The following MTSS1 variants were observed in gnomAD, a reference collection of about 807,000 sequenced individuals.
The protein encoded by MTSS1 is MTSS I-BAR domain containing 1, also known as protein MTSS 1.
In MTSS1, 18 loss-of-function variants were observed where a neutral mutation model predicts 79.0. The ratio of observed to expected loss-of-function variants is 0.23; its 90% CI spans 0.16 to 0.34. MTSS1 has a LOEUF of 0.34. Ranked by LOEUF, MTSS1 falls within the 10% of genes least tolerant of loss-of-function variation. The probability of loss-of-function intolerance (pLI) is 1.00; values close to 1 mark genes in which losing one functional copy is unlikely to be tolerated. For missense variants in MTSS1, 815 were observed against 986.2 expected (o/e 0.83, Z 2.33); for synonymous variants, 341 against 368.6 (o/e 0.93, Z 0.86).
At chr8:124,721,583 T>C (rs907503066) in intron 1 of MTSS1, among the ~76,000 whole-genome samples, 6 of 152,044 alleles carry the variant, frequency 3.9e-5, no homozygotes, top group African/African-American at 1.2e-4. Flanking sequence ...CTAAATTTTG[T>C]ATTTTTTGCA....
At chr8:124,605,245 G>A (rs1167734043) in intron 3 of MTSS1, among the ~76,000 whole-genome samples, 3 of 152,234 alleles carry the variant, frequency 2.0e-5, no homozygotes, top group Non-Finnish European at 4.4e-5. Context: ...CCAGGTCTGA[G>A]CGACTCGATG....
chr8:124,724,844 G>A (rs191437180), intron 1 of MTSS1, among the ~76,000 whole-genome samples: 23 of 152,228 alleles, frequency 1.5e-4, no homozygotes, highest in Admixed American at 3.9e-4. Context: ...TCTACACATC[G>A]GAAGGCAGTC....
intron 3 of MTSS1, among the ~76,000 whole-genome samples, chr8:124,640,169 A>C (rs138824670): frequency 2.9e-4 from 44 of 152,324 alleles, no homozygotes; most frequent in African/African-American, 1.0e-3. Context: ...GCTGGGATAC[A>C]AACCCAGCCT....
rs547734862 is a variant in MTSS1, at chr8:124,711,139, C to T, written c.73-6948G>A. Reference sequence around the variant, plus strand: ...AGCATCACCACTTTCTAAAGAGTTGCCAGGTGCCAGGTATATATACTGGCC... The same window carrying T: ...AGCATCACCACTTTCTAAAGAGTTGTCAGGTGCCAGGTATATATACTGGCC... On this transcript the variant is annotated intron_variant, in intron 1 of 13. Coordinates refer to ENST00000518547, the MANE Select transcript of MTSS1 (RefSeq NM_014751.6). 5.9e-5 allele frequency among the ~76,000 whole-genome samples: 9 copies of T among 152,310 alleles called. No individual in the cohort carries two copies. The South Asian group carries it at 1.9e-3, about 32-fold the overall frequency.
intron 12 of MTSS1, 56 bp from the exon 13 acceptor site, chr8:124,555,960 A>C: frequency 6.3e-7 from 1 of 1,588,616 alleles, no homozygotes; most frequent in Non-Finnish European, 8.5e-7. Context: ...GCTCAACAGC[A>C]CTCCTGTTCT....
intron 1 of MTSS1, among the ~76,000 whole-genome samples, chr8:124,709,385 A>G (rs538196215): frequency 2.6e-5 from 4 of 152,156 alleles, no homozygotes; most frequent in Admixed American, 2.0e-4. Context: ...CGTGAAAACA[A>G]TTCAACACAG....
chr8:124,618,850 C>G (rs1050411874), intron 3 of MTSS1, among the ~76,000 whole-genome samples: 21 of 152,216 alleles, frequency 1.4e-4, no homozygotes, highest in African/African-American at 5.1e-4. Flanking sequence ...AGATGCAAAG[C>G]AATCTTAGAT....
chr8:124,721,061 A>C (rs1284565592), intron 1 of MTSS1, among the ~76,000 whole-genome samples: 1 of 152,214 alleles, frequency 6.6e-6, no homozygotes, highest in Non-Finnish European at 1.5e-5. Context: ...TAGCCAGCAG[A>C]AGGTAGAAGA....
At chr8:124,658,025 C>T (rs1821291478) in intron 3 of MTSS1, among the ~76,000 whole-genome samples, 1 of 152,144 alleles carries the variant, frequency 6.6e-6, no homozygotes. Context: ...TCTCCCTCCA[C>T]CACGTGAGGA....
At chr8:124,720,287 G>A (rs1444565569) in intron 1 of MTSS1, among the ~76,000 whole-genome samples, 2 of 152,320 alleles carry the variant, frequency 1.3e-5, no homozygotes, top group East Asian at 1.9e-4. Context: ...AATCACAGGT[G>A]TCCTCACACA....
intron 1 of MTSS1, among the ~76,000 whole-genome samples, chr8:124,716,819 C>T (rs747814170): frequency 7.2e-5 from 11 of 151,928 alleles, no homozygotes; most frequent in Non-Finnish European, 1.2e-4. Flanking sequence ...CGGTGGTGAG[C>T]CCTCAAACAT....
chr8:124,555,901 C>G lies in MTSS1; in HGVS notation c.1408G>C (p.Gly470Arg). The G allele has an allele frequency of 6.2e-7, 1 of 1,606,746 alleles. No homozygotes were observed. The highest frequency in any genetic ancestry group is 8.5e-7 in the Non-Finnish European group (1 of 1,179,830). Residue 470 changes from glycine to arginine, a missense_variant, in exon 13 of 14, where the codon GGT (glycine) becomes CGT (arginine). This residue lies in a region of MTSS1 where 590 missense variants were observed against 620.8 expected (regional missense o/e 0.95). Coordinates refer to ENST00000518547, the MANE Select transcript of MTSS1 (RefSeq NM_014751.6). ...SMTVSAATRP[G>R]EEMEACEELA... ...TCCTCACAAGCCTCCATCTCCTCAC[C>G]AGGCTGCAGGTTGGAGGAGAGAAAT...
intron 3 of MTSS1, among the ~76,000 whole-genome samples, chr8:124,607,476 T>C (rs1029194101): frequency 6.6e-6 from 1 of 152,146 alleles, no homozygotes; most frequent in African/African-American, 2.4e-5. Context: ...TAAACAGAGT[T>C]TTTAAAAAAG....
intron 2 of MTSS1, among the ~76,000 whole-genome samples, chr8:124,703,659 G>A (rs73345860): frequency 0.047 from 7,115 of 152,222 alleles, 182 homozygotes; most frequent in African/African-American, 0.069. Context: ...GGACTCTGGA[G>A]CCAGAGAGCC....
At chr8:124,658,889 G>C (rs568597577) in intron 3 of MTSS1, among the ~76,000 whole-genome samples, 13 of 152,300 alleles carry the variant, frequency 8.5e-5, no homozygotes, top group African/African-American at 3.1e-4. Context: ...CTCGATCTTG[G>C]ACTTCCCAGC....
chr8:124,642,329 C>A lies in MTSS1; in HGVS notation c.209-51094G>T, dbSNP rs576732685. 3.3e-5 allele frequency among the ~76,000 whole-genome samples: 5 copies of A among 152,264 alleles called. No homozygotes were observed. In the South Asian group the frequency reaches 1.0e-3, roughly 32 times the overall value. On this transcript the variant is annotated intron_variant, in intron 3 of 13. Coordinates refer to ENST00000518547, the MANE Select transcript of MTSS1 (RefSeq NM_014751.6). Reference sequence around the variant, plus strand: ...AAGCTCCACATGCTAGGATGACACACCCAAAGACTAGGGAGGGGACACTAT... The same window carrying A: ...AAGCTCCACATGCTAGGATGACACAACCAAAGACTAGGGAGGGGACACTAT...
intron 3 of MTSS1, among the ~76,000 whole-genome samples, chr8:124,622,586 G>C (rs1436548489): frequency 2.0e-5 from 3 of 151,730 alleles, no homozygotes; most frequent in African/African-American, 7.3e-5. Flanking sequence ...CTTGAGGTCA[G>C]GAGTTCGAGA....
chr8:124,576,940 A>G (rs986966192), intron 6 of MTSS1, among the ~76,000 whole-genome samples: 1 of 152,204 alleles, frequency 6.6e-6, no homozygotes, highest in Non-Finnish European at 1.5e-5. Context: ...CATACTCTAT[A>G]TACCTCTACC....
At chr8:124,648,823 C>T (rs530566984) in intron 3 of MTSS1, among the ~76,000 whole-genome samples, 8 of 152,236 alleles carry the variant, frequency 5.3e-5, no homozygotes, top group African/African-American at 1.7e-4. Flanking sequence ...CATCAGTACG[C>T]CATGATGAAA....
Sources: gnomAD v4.1 joint callset for allele counts (sites outside exome capture counted in the v4.1 genomes callset) on GRCh38, gnomAD v4.1.1 for gene constraint, gnomAD v4.1.1 regional missense constraint, MANE v1.5 for transcripts, NCBI Gene and HGNC (gene_info 2026-07-23, HGNC 2026-07-21) for gene names.